The following PLCXD3 variants were observed in gnomAD, a reference collection of about 807,000 sequenced individuals.
PLCXD3 encodes the protein PI-PLC X domain-containing protein 3.
PLCXD3 carries 19 observed loss-of-function variants against 25.5 expected under a neutral mutation model. That is an observed-to-expected ratio of 0.75 (90% confidence interval 0.52 to 1.09). The LOEUF is 1.09. Among genes scored for constraint, PLCXD3 ranks in the 50% least tolerant of loss-of-function variants. The pLI is 0.00. For synonymous variants in PLCXD3, 174 were observed against 137.6 expected (o/e 1.26, Z -1.85); for missense variants, 411 against 388.1 (o/e 1.06, Z -0.50).
intron 2 of PLCXD3, among the ~76,000 whole-genome samples, chr5:41,347,582 A>G (rs1284638667): frequency 6.6e-6 from 1 of 152,196 alleles, no homozygotes; most frequent in Non-Finnish European, 1.5e-5. Context: ...CTGTGCAAGC[A>G]CAACATCTGT....
chr5:41,365,530 C>T (rs555529946), intron 2 of PLCXD3, among the ~76,000 whole-genome samples: 2 of 152,276 alleles, frequency 1.3e-5, no homozygotes, highest in African/African-American at 4.8e-5. Context: ...GAAGGACTGC[C>T]TCTCCAGTCC....
At chr5:41,465,657 C>T (rs1261461411) in intron 1 of PLCXD3, among the ~76,000 whole-genome samples, 1 of 151,846 alleles carries the variant, frequency 6.6e-6, no homozygotes, top group Non-Finnish European at 1.5e-5. Flanking sequence ...CTTTAGAGAT[C>T]TCCAACTACT....
chr5:41,414,611 A>C (rs1303140501), intron 1 of PLCXD3, among the ~76,000 whole-genome samples: 1 of 152,256 alleles, frequency 6.6e-6, no homozygotes, highest in East Asian at 1.9e-4. Flanking sequence ...TTACAAATAC[A>C]GTACTTAACC....
intron 2 of PLCXD3, among the ~76,000 whole-genome samples, chr5:41,332,397 C>T (rs1332647197): frequency 2.0e-5 from 3 of 151,962 alleles, no homozygotes; most frequent in South Asian, 4.1e-4. Context: ...CAATGAGATA[C>T]CATCTCACAC....
At chr5:41,488,607 T>G (rs988615097) in intron 1 of PLCXD3, among the ~76,000 whole-genome samples, 14 of 145,776 alleles carry the variant, frequency 9.6e-5, no homozygotes, top group African/African-American at 3.5e-4. Context: ...CCTGACTTTT[T>G]AATGATTGCC....
At chr5:41,333,421 TCATACACTGAAG>T (rs1743890615) in intron 2 of PLCXD3, among the ~76,000 whole-genome samples, 1 of 152,174 alleles carries the variant, frequency 6.6e-6, no homozygotes, top group Non-Finnish European at 1.5e-5. Context: ...GGTTAGTATT[TCATACACTGAAG>T]CATTCAGTGG....
rs199866834 is a variant in PLCXD3 at position 41,420,323 on chromosome 5, T to G, written c.104-37789A>C. 3.5e-4 allele frequency among the ~76,000 whole-genome samples: 53 copies of G among 152,332 alleles called. No individual in the cohort carries two copies. The East Asian group carries it at 6.6e-3, about 19-fold the overall frequency. ...GAATATATTGTGCTCGTTTAACTTT[T>G]CCTCAGCCCAGAAATGCACATTTTT... On this transcript the variant is annotated intron_variant, in intron 1 of 2. Coordinates refer to ENST00000377801, the MANE Select transcript of PLCXD3 (RefSeq NM_001005473.3).
At chr5:41,449,057 C>T (rs1376646685) in intron 1 of PLCXD3, among the ~76,000 whole-genome samples, 1 of 152,150 alleles carries the variant, frequency 6.6e-6, no homozygotes, top group Non-Finnish European at 1.5e-5. Context: ...TCCATGACTT[C>T]ACTGGACTCC....
At chr5:41,376,338 A>C (rs1222509861) in intron 2 of PLCXD3, among the ~76,000 whole-genome samples, 1 of 152,020 alleles carries the variant, frequency 6.6e-6, no homozygotes, top group Non-Finnish European at 1.5e-5. Context: ...TTCCCCCTTT[A>C]AACTGGTGGC....
At chr5:41,402,296 C>G (rs543797992) in intron 1 of PLCXD3, among the ~76,000 whole-genome samples, 3 of 151,732 alleles carry the variant, frequency 2.0e-5, no homozygotes, top group Admixed American at 2.0e-4. Context: ...CATTTTCATT[C>G]AATTAAAATT....
chr5:41,363,171 G>A (rs1327960253), intron 2 of PLCXD3, among the ~76,000 whole-genome samples: 1 of 152,090 alleles, frequency 6.6e-6, no homozygotes, highest in African/African-American at 2.4e-5. Flanking sequence ...GAAAAACCAG[G>A]TAAATAACTG....
intron 2 of PLCXD3, among the ~76,000 whole-genome samples, chr5:41,360,577 C>G (rs956138634): frequency 3.3e-5 from 5 of 152,174 alleles, no homozygotes; most frequent in African/African-American, 9.7e-5. Flanking sequence ...CTTCCTCTTC[C>G]CCTAAGAATG....
At chr5:41,479,041 G>A (rs1748339470) in intron 1 of PLCXD3, among the ~76,000 whole-genome samples, 1 of 152,108 alleles carries the variant, frequency 6.6e-6, no homozygotes, top group Admixed American at 6.5e-5. Flanking sequence ...TACAATTTGA[G>A]ATAAGATTTG....
chr5:41,410,754 G>C (rs1271942935), intron 1 of PLCXD3, among the ~76,000 whole-genome samples: 1 of 152,200 alleles, frequency 6.6e-6, no homozygotes, highest in Non-Finnish European at 1.5e-5. Flanking sequence ...GCAAACAAAA[G>C]TCAGTGCCAT....
At chr5:41,435,721 T>A (rs1747231990) in intron 1 of PLCXD3, among the ~76,000 whole-genome samples, 1 of 152,172 alleles carries the variant, frequency 6.6e-6, no homozygotes, top group African/African-American at 2.4e-5. Context: ...TTGGTAAAAA[T>A]AATGGTTCTG....
At chr5:41,403,646 T>C (rs1378572581) in intron 1 of PLCXD3, among the ~76,000 whole-genome samples, 8 of 102,940 alleles carry the variant, frequency 7.8e-5, no homozygotes, top group East Asian at 2.3e-4. Flanking sequence ...TGAGTGAGAA[T>C]ATGCGGTGTT....
chr5:41,388,924 T>G (rs981171414), intron 1 of PLCXD3, among the ~76,000 whole-genome samples: 5 of 151,472 alleles, frequency 3.3e-5, no homozygotes, highest in Admixed American at 3.3e-4. Flanking sequence ...AAAACATATA[T>G]TTTATATTTC....
chr5:41,479,712 GGA>G (rs34722630), intron 1 of PLCXD3, among the ~76,000 whole-genome samples: 7 of 149,196 alleles, frequency 4.7e-5, no homozygotes, highest in African/African-American at 7.4e-5. Context: ...CTGCTGAGAG[GGA>G]GAGAGAGAGA....
intron 1 of PLCXD3, among the ~76,000 whole-genome samples, chr5:41,407,313 T>G (rs1746381261): frequency 1.3e-5 from 2 of 152,182 alleles, no homozygotes. Flanking sequence ...AAAATAATAT[T>G]AAATCTCAAA....
Sources: gnomAD v4.1 joint callset for allele counts (sites outside exome capture counted in the v4.1 genomes callset) on GRCh38, gnomAD v4.1.1 for gene constraint, MANE v1.5 for transcripts, NCBI Gene and HGNC (gene_info 2026-07-23, HGNC 2026-07-21) for gene names.